Variants in IRAK1BP1 observed in about 807,000 individuals in gnomAD.
IRAK1BP1 encodes interleukin-1 receptor-associated kinase 1-binding protein 1.
In IRAK1BP1, 24 loss-of-function variants were observed where a neutral mutation model predicts 28.0. The ratio of observed to expected loss-of-function variants is 0.86; its 90% CI spans 0.62 to 1.20. IRAK1BP1 has a LOEUF of 1.20. IRAK1BP1 is among the 50% of genes most tolerant of loss of function. The pLI is 0.00. For synonymous variants in IRAK1BP1, 131 were observed against 116.3 expected (o/e 1.13, Z -0.81); for missense variants, 336 against 316.7 (o/e 1.06, Z -0.46).
At chr6:78,880,098 A>T (rs1771170670) in intron 1 of IRAK1BP1, among the ~76,000 whole-genome samples, 1 of 152,204 alleles carries the variant, frequency 6.6e-6, no homozygotes, top group Non-Finnish European at 1.5e-5. Flanking sequence ...GCCTTTCCCA[A>T]CAGTAAAACA....
chr6:78,911,297 C>T (rs990103915), intron 4 of IRAK1BP1, among the ~76,000 whole-genome samples: 1 of 152,152 alleles, frequency 6.6e-6, no homozygotes, highest in African/African-American at 2.4e-5. Context: ...CAGCTTAGAA[C>T]TTTTGGTGTC....
At position 78,942,317 on chromosome 6, in the gene IRAK1BP1, T is replaced by C. The variant is rs550738909; in HGVS notation, c.*68-3091T>C. Among the ~76,000 whole-genome samples, 3 of 152,286 alleles carry C rather than the reference T, an allele frequency of 2.0e-5. No individual in the cohort carries two copies. In the East Asian group the frequency reaches 5.8e-4, roughly 29 times the overall value. On this transcript the variant is annotated intron_variant and NMD_transcript_variant, in intron 4 of 4. Coordinates refer to the IRAK1BP1 transcript ENST00000606868. ...GGCCAACATGGCGAAACCCCGTCTC[T>C]ACTAAAAGTACAAAAAGTAGCTGGG...
At chr6:78,872,219 T>G in intron 1 of IRAK1BP1, 1 of 654,026 alleles carries the variant, frequency 1.5e-6, no homozygotes, top group Non-Finnish European at 2.8e-6. Flanking sequence ...TGACAACATA[T>G]CCTTTAGTGC....
At chr6:78,897,732 C>CCT in intron 2 of IRAK1BP1, 97 bp from the exon 3 acceptor site, 1 of 937,852 alleles carries the variant, frequency 1.1e-6, no homozygotes. Context: ...TATAAAATGA[C>CCT]CTCATAGTCT....
chr6:78,972,951 C>T, the IRAK1BP1 span, among the ~76,000 whole-genome samples: 4 of 151,114 alleles, frequency 2.6e-5, no homozygotes, highest in African/African-American at 7.3e-5. Context: ...TTGGAAAACA[C>T]TGCAGGATAT....
downstream of IRAK1BP1, among the ~76,000 whole-genome samples, chr6:78,903,371 A>G (rs1772170309): frequency 6.6e-6 from 1 of 152,072 alleles, no homozygotes; most frequent in Non-Finnish European, 1.5e-5. Context: ...CACGCCTGTA[A>G]TCCCAGCTAC....
chr6:78,932,292 T>C (rs1773068677), intron 4 of IRAK1BP1, among the ~76,000 whole-genome samples: 1 of 152,174 alleles, frequency 6.6e-6, no homozygotes, highest in Non-Finnish European at 1.5e-5. Flanking sequence ...CTCCAATGAA[T>C]CACGAACGTT....
At chr6:78,945,495 G>A (rs766174728) in exon 5 of IRAK1BP1, 3 of 1,577,594 alleles carry the variant, frequency 1.9e-6, no homozygotes, top group South Asian at 1.1e-5. Flanking sequence ...GAATTCTCTA[G>A]TACTAAAACA....
intron 4 of IRAK1BP1, among the ~76,000 whole-genome samples, chr6:78,944,533 G>A (rs563185230): frequency 6.6e-6 from 1 of 152,264 alleles, no homozygotes; most frequent in Non-Finnish European, 1.5e-5. Flanking sequence ...TTTAAGAGAT[G>A]TTATGGAGGG....
the IRAK1BP1 span, among the ~76,000 whole-genome samples, chr6:78,959,524 G>A: frequency 4.6e-5 from 7 of 152,008 alleles, no homozygotes; most frequent in Non-Finnish European, 5.9e-5. Context: ...GAAGTTTCAC[G>A]AAAGAAAAAC....
At chr6:78,961,254 T>A in the IRAK1BP1 span, among the ~76,000 whole-genome samples, 1 of 151,962 alleles carries the variant, frequency 6.6e-6, no homozygotes, top group Non-Finnish European at 1.5e-5. Flanking sequence ...ATAAGCTGAA[T>A]ACAGGCAAAA....
chr6:78,968,859 T>G, the IRAK1BP1 span, among the ~76,000 whole-genome samples: 1 of 151,226 alleles, frequency 6.6e-6, no homozygotes, highest in Non-Finnish European at 1.5e-5. Context: ...AAGACAAACT[T>G]GTTAGATAAG....
At chr6:78,897,681 G>A (rs1024237626) in intron 2 of IRAK1BP1, 148 bp from the exon 3 acceptor site, 4 of 485,020 alleles carry the variant, frequency 8.2e-6, no homozygotes, top group South Asian at 1.2e-4. Flanking sequence ...AAATAATTTA[G>A]TTATAAGTAT....
downstream of IRAK1BP1, chr6:78,947,865 A>C: frequency 1.2e-6 from 1 of 811,368 alleles, no homozygotes; most frequent in Non-Finnish European, 2.0e-6. Flanking sequence ...TTTTATGATG[A>C]CTGCAAGTCC....
chr6:78,972,221 CT>C, the IRAK1BP1 span, among the ~76,000 whole-genome samples: 1 of 152,166 alleles, frequency 6.6e-6, no homozygotes, highest in East Asian at 1.9e-4. Context: ...TCCCTGACCC[CT>C]GACCCCTGAG....
At chr6:78,971,999 G>A in the IRAK1BP1 span, among the ~76,000 whole-genome samples, 3 of 152,110 alleles carry the variant, frequency 2.0e-5, no homozygotes, top group African/African-American at 4.8e-5. Context: ...AAAGCAGCCG[G>A]GAAGCTCGAA....
chr6:78,877,238 G>T (rs1027906081), intron 1 of IRAK1BP1, among the ~76,000 whole-genome samples: 1 of 152,150 alleles, frequency 6.6e-6, no homozygotes, highest in African/African-American at 2.4e-5. Flanking sequence ...ATTTCTTGTG[G>T]TTGCAGGTCT....
intron 1 of IRAK1BP1, among the ~76,000 whole-genome samples, chr6:78,873,582 T>C (rs566556998): frequency 6.6e-6 from 1 of 152,092 alleles, no homozygotes; most frequent in Admixed American, 6.6e-5. Context: ...GGGCTCAAGC[T>C]ATCCTCCCAC....
intron 2 of IRAK1BP1, among the ~76,000 whole-genome samples, chr6:78,891,841 C>T (rs1771675383): frequency 6.6e-6 from 1 of 152,166 alleles, no homozygotes; most frequent in South Asian, 2.1e-4. Context: ...TATAACTACT[C>T]ATATAGTTTT....
Sources: allele counts gnomAD v4.1 joint callset (sites outside exome capture counted in the v4.1 genomes callset), GRCh38; gene constraint gnomAD v4.1.1; transcripts MANE v1.5; gene names NCBI Gene and HGNC (gene_info 2026-07-23, HGNC 2026-07-21).